Variants in GHR observed in about 807,000 individuals in gnomAD.
The protein encoded by GHR is growth hormone receptor.
Under a neutral mutation model 67.1 loss-of-function variants are expected in GHR, and 35 were observed. That is an observed-to-expected ratio of 0.52 (90% CI 0.40 to 0.69). The LOEUF (loss-of-function observed/expected upper bound fraction) is 0.69. Among genes scored for constraint, GHR ranks in the 30% least tolerant of loss-of-function variants. GHR has a pLI of 0.00. For synonymous variants in GHR, 272 were observed against 269.1 expected, an observed-to-expected ratio of 1.01 and a Z score of -0.10; for missense variants, 792 against 764.6, an observed-to-expected ratio of 1.04 and a Z score of -0.42.
chr5:42,686,977 A>C (rs1757186138), intron 3 of GHR, among the ~76,000 whole-genome samples: 1 of 152,210 alleles, frequency 6.6e-6, no homozygotes, highest in South Asian at 2.1e-4. Context: ...AACTTCAGCA[A>C]AGTCTCAGGA....
At position 42,711,329 on chromosome 5, in the gene GHR, C is replaced by T. The variant is rs148947110; in HGVS notation, c.741C>T (p.Leu247=). Residue 247 remains leucine, a synonymous_variant, in exon 7 of 10, where the codon CTC becomes CTT. Transcript: ENST00000230882. ...ATTATGGCGAGTTCAGTGAGGTGCTCTATGTAACACTTCCTCAGATGAGCC... is the reference window on the plus strand; with the variant it reads ...ATTATGGCGAGTTCAGTGAGGTGCTTTATGTAACACTTCCTCAGATGAGCC... ...SGNYGEFSEV[L]YVTLPQMSQF... 1.4e-5 allele frequency: 23 copies of T among 1,612,810 alleles called. No homozygotes were observed. In the African/African-American group the frequency reaches 2.9e-4, roughly 21 times the overall value.
chr5:42,607,360 G>A (rs867195735), intron 2 of GHR, among the ~76,000 whole-genome samples: 3 of 152,268 alleles, frequency 2.0e-5, no homozygotes, highest in South Asian at 4.1e-4. Context: ...TTCTAAGAAG[G>A]TAAAGCTAGG....
chr5:42,565,807 A>G (rs1443612890), intron 1 of GHR, 57 bp from the exon 2 acceptor site: 5 of 1,613,086 alleles, frequency 3.1e-6, no homozygotes, highest in Middle Eastern at 1.6e-4. Flanking sequence ...ACAGTATTTC[A>G]TGATAATGGT....
chr5:42,582,108 G>A (rs955255669), intron 2 of GHR, among the ~76,000 whole-genome samples: 2 of 152,248 alleles, frequency 1.3e-5, no homozygotes, highest in African/African-American at 4.8e-5. Context: ...AGACTGAGAG[G>A]GCACTAAGGG....
At chr5:42,657,189 T>C in intron 3 of GHR, among the ~76,000 whole-genome samples, 1 of 152,102 alleles carries the variant, frequency 6.6e-6, no homozygotes, top group East Asian at 1.9e-4. Context: ...TTTTTCCTCA[T>C]GGAGGCAGCA....
chr5:42,718,730 C>T lies in GHR; in HGVS notation c.1223C>T (p.Thr408Ile), dbSNP rs1306929778. The change falls in exon 10 of 10, where the codon ACC (threonine) becomes ATC (isoleucine). Residue 408 changes from threonine to isoleucine, a missense_variant. Physicochemically the swap from Thr to Ile is moderately conservative, Grantham distance 89 (BLOSUM62 -1). Coordinates refer to ENST00000230882, the MANE Select transcript of GHR (RefSeq NM_000163.5). ...DFNANDIHEG[T>I]SEVAQPQRLK... ...AATGCCAATGACATACATGAGGGTA[C>T]CTCAGAGGTTGCTCAGCCACAGAGG... 6.2e-7 allele frequency: 1 copy of T among 1,614,026 alleles called. No individual in the cohort carries two copies. Among genetic ancestry groups the T allele is most frequent in the Admixed American group, 1.7e-5 (1 of 60,004 alleles).
At chr5:42,642,831 C>A (rs1754546097) in intron 3 of GHR, among the ~76,000 whole-genome samples, 1 of 152,108 alleles carries the variant, frequency 6.6e-6, no homozygotes. Context: ...CTGTTCCATG[C>A]CTCTCTCCTA....
chr5:42,442,974 A>G (rs1355458989), intron 1 of GHR, among the ~76,000 whole-genome samples: 1 of 152,238 alleles, frequency 6.6e-6, no homozygotes, highest in Non-Finnish European at 1.5e-5. Flanking sequence ...CCAATTACCT[A>G]GGGACCAGAT....
intron 1 of GHR, among the ~76,000 whole-genome samples, chr5:42,472,793 G>C (rs1301060078): frequency 6.6e-6 from 1 of 152,092 alleles, no homozygotes; most frequent in African/African-American, 2.4e-5. Flanking sequence ...AGATGAACAA[G>C]CTCCTGAGCT....
intron 8 of GHR, among the ~76,000 whole-genome samples, chr5:42,716,169 C>CAA (rs35197877): frequency 9.7e-4 from 29 of 29,806 alleles, no homozygotes; most frequent in Non-Finnish European, 3.2e-3. Context: ...GATGCAGAAT[C>CAA]AAAAAAAAAA....
chr5:42,681,613 T>A (rs1318700341), intron 3 of GHR, among the ~76,000 whole-genome samples: 1 of 152,136 alleles, frequency 6.6e-6, no homozygotes, highest in Non-Finnish European at 1.5e-5. Flanking sequence ...ACTGGGTATA[T>A]ACCCAAAGGA....
At chr5:42,497,971 C>T (rs539233925) in intron 1 of GHR, among the ~76,000 whole-genome samples, 103 of 152,280 alleles carry the variant, frequency 6.8e-4, no homozygotes, top group African/African-American at 2.3e-3. Flanking sequence ...TTTTCCTCTT[C>T]ACTTTTCCAT....
intron 3 of GHR, among the ~76,000 whole-genome samples, chr5:42,666,199 A>G (rs926495669): frequency 1.5e-5 from 2 of 135,634 alleles, no homozygotes; most frequent in African/African-American, 2.9e-5. Context: ...TATCTTAACT[A>G]TCACTTTCAA....
At chr5:42,440,974 C>A (rs1361121274) in intron 1 of GHR, among the ~76,000 whole-genome samples, 2 of 152,072 alleles carry the variant, frequency 1.3e-5, no homozygotes, top group African/African-American at 4.8e-5. Flanking sequence ...GATTTGGAGG[C>A]CTTTTTAAGA....
chr5:42,540,287 T>G (rs1748449061), intron 1 of GHR, among the ~76,000 whole-genome samples: 1 of 152,126 alleles, frequency 6.6e-6, no homozygotes, highest in Admixed American at 6.6e-5. Context: ...AAATTTGCTT[T>G]TTATAGTTAT....
chr5:42,530,128 A>G (rs1747901107), intron 1 of GHR, among the ~76,000 whole-genome samples: 1 of 150,340 alleles, frequency 6.7e-6, no homozygotes, highest in South Asian at 2.1e-4. Flanking sequence ...ATATGTGTAC[A>G]TTTTATAATG....
intron 1 of GHR, among the ~76,000 whole-genome samples, chr5:42,488,080 C>T (rs922501094): frequency 2.6e-5 from 4 of 152,188 alleles, no homozygotes; most frequent in African/African-American, 9.7e-5. Context: ...CATGCTCTGG[C>T]TCCTGTCTCC....
intron 3 of GHR, among the ~76,000 whole-genome samples, chr5:42,631,859 C>T (rs1319812623): frequency 6.6e-6 from 1 of 152,124 alleles, no homozygotes; most frequent in Non-Finnish European, 1.5e-5. Flanking sequence ...AATGCCACTG[C>T]CCTCTCCAAG....
chr5:42,506,385 C>T (rs1450161209), intron 1 of GHR, among the ~76,000 whole-genome samples: 1 of 152,172 alleles, frequency 6.6e-6, no homozygotes, highest in East Asian at 1.9e-4. Context: ...GGATAATTTA[C>T]ATGACCAAGA....
Sources: gnomAD v4.1 joint callset for allele counts (sites outside exome capture counted in the v4.1 genomes callset) on GRCh38, gnomAD v4.1.1 for gene constraint, MANE v1.5 for transcripts, NCBI Gene and HGNC (gene_info 2026-07-23, HGNC 2026-07-21) for gene names.